NRG3: variants seen among roughly 807,000 people sequenced by gnomAD.
NRG3 encodes neuregulin 3, also known as pro-neuregulin-3, membrane-bound isoform.
Under a neutral mutation model 66.9 loss-of-function variants are expected in NRG3, and 31 were observed. The ratio of observed to expected loss-of-function variants is 0.46; its 90% CI spans 0.35 to 0.63. NRG3 has a LOEUF of 0.63. NRG3 is among the 20% of genes least tolerant of loss of function. The probability of loss-of-function intolerance (pLI) is 0.00; values close to 1 mark genes in which losing one functional copy is unlikely to be tolerated. For missense variants in NRG3, 910 were observed against 878.9 expected (o/e 1.04, Z -0.45); for synonymous variants, 393 against 359.4 (o/e 1.09, Z -1.06).
intron 3 of NRG3, among the ~76,000 whole-genome samples, chr10:82,743,063 C>T (rs148973849): frequency 2.0e-5 from 3 of 152,204 alleles, no homozygotes; most frequent in Non-Finnish European, 4.4e-5. Context: ...AGCAAGGGCA[C>T]GCCTCCTCAC....
At chr10:82,654,290 GCA>G (rs1158269404) in intron 2 of NRG3, among the ~76,000 whole-genome samples, 2 of 152,056 alleles carry the variant, frequency 1.3e-5, no homozygotes, top group African/African-American at 4.8e-5. Flanking sequence ...AAGATTCCAT[GCA>G]AATCATTTTA....
chr10:82,556,932 G>T (rs1004981026), intron 2 of NRG3, among the ~76,000 whole-genome samples: 11 of 152,202 alleles, frequency 7.2e-5, no homozygotes, highest in African/African-American at 2.6e-4. Context: ...AAGGATAATG[G>T]CCTCCAACTC....
In NRG3 at chr10:82,864,162, G is replaced by GA. The variant is rs549226653; in HGVS notation, c.1028-1243dup. Among the ~76,000 whole-genome samples, 74 of 151,772 alleles carry GA rather than the reference G, an allele frequency of 4.9e-4. No homozygotes were observed. The East Asian group carries it at 0.012, about 25-fold the overall frequency. On this transcript the variant is annotated intron_variant, in intron 3 of 8. Coordinates refer to ENST00000372141, the MANE Select transcript of NRG3 (RefSeq NM_001010848.4). ...CTGATTGGGGTGATGGAAGAATTTG[G>GA]AAAAAAGGGGTGGTGGTTGTACAAC...
At chr10:82,774,764 T>C (rs2059835287) in intron 3 of NRG3, among the ~76,000 whole-genome samples, 1 of 151,416 alleles carries the variant, frequency 6.6e-6, no homozygotes, top group Non-Finnish European at 1.5e-5. Context: ...CTGTTCTCTA[T>C]TTGATTTATG....
At chr10:81,881,843 T>C (rs928606006) in intron 1 of NRG3, among the ~76,000 whole-genome samples, 32 of 150,604 alleles carry the variant, frequency 2.1e-4, no homozygotes, top group African/African-American at 7.7e-4. Context: ...ACTATCAGCT[T>C]TTTTTTTCTT....
chr10:82,226,925 A>G (rs111743739), intron 1 of NRG3, among the ~76,000 whole-genome samples: 49 of 152,304 alleles, frequency 3.2e-4, no homozygotes, highest in African/African-American at 1.1e-3. Context: ...CATTTCCCAG[A>G]AACTCTCAAT....
intron 3 of NRG3, among the ~76,000 whole-genome samples, chr10:82,778,687 G>C (rs569207594): frequency 6.6e-6 from 1 of 152,134 alleles, no homozygotes; most frequent in African/African-American, 2.4e-5. Context: ...CTGCTTTCTG[G>C]CTCAAGTATG....
intron 2 of NRG3, among the ~76,000 whole-genome samples, chr10:82,456,314 T>C (rs529690704): frequency 1.3e-5 from 2 of 152,068 alleles, no homozygotes; most frequent in Admixed American, 6.5e-5. Context: ...TAATTTTTTT[T>C]TATTTTTTAA....
chr10:82,461,112 T>C (rs2091491034), intron 2 of NRG3, among the ~76,000 whole-genome samples: 1 of 151,288 alleles, frequency 6.6e-6, no homozygotes, highest in East Asian at 2.0e-4. Context: ...ATCAAAATCA[T>C]CACCATTACC....
At chr10:82,471,217 G>T (rs1841223128) in intron 2 of NRG3, among the ~76,000 whole-genome samples, 2 of 152,130 alleles carry the variant, frequency 1.3e-5, no homozygotes, top group Non-Finnish European at 2.9e-5. Context: ...CCTGCAAGTA[G>T]ACTTCCTACC....
chr10:82,485,784 A>C (rs1377278034), intron 2 of NRG3, among the ~76,000 whole-genome samples: 1 of 53,248 alleles, frequency 1.9e-5, no homozygotes, highest in African/African-American at 4.6e-5. Flanking sequence ...ACAAAAGTAC[A>C]GGCAGCAAAA....
At chr10:82,199,640 C>T (rs1166680705) in intron 1 of NRG3, among the ~76,000 whole-genome samples, 1 of 152,090 alleles carries the variant, frequency 6.6e-6, no homozygotes, top group Admixed American at 6.6e-5. Flanking sequence ...ACATTAACTT[C>T]TGTATGGTGA....
intron 1 of NRG3, among the ~76,000 whole-genome samples, chr10:82,040,792 AT>A (rs2062998504): frequency 6.6e-6 from 1 of 152,064 alleles, no homozygotes; most frequent in Non-Finnish European, 1.5e-5. Flanking sequence ...AAAATGACAG[AT>A]TTATAGTTCT....
At chr10:82,866,603 C>T (rs1314720100) in intron 4 of NRG3, among the ~76,000 whole-genome samples, 1 of 152,098 alleles carries the variant, frequency 6.6e-6, no homozygotes, top group Non-Finnish European at 1.5e-5. Context: ...GTGATGAAAA[C>T]TCAGAAAACC....
chr10:82,631,982 A>C (rs971158598), intron 2 of NRG3, among the ~76,000 whole-genome samples: 1 of 151,940 alleles, frequency 6.6e-6, no homozygotes, highest in African/African-American at 2.4e-5. Context: ...GGTGCCTGTA[A>C]TCTCAGCTAC....
At chr10:82,450,409 C>G (rs2136565833) in intron 2 of NRG3, among the ~76,000 whole-genome samples, 1 of 152,216 alleles carries the variant, frequency 6.6e-6, no homozygotes, top group South Asian at 2.1e-4. Context: ...AGTTAAAAAC[C>G]CTGAAGACTG....
At chr10:82,856,808 A>G (rs2063835965) in intron 3 of NRG3, among the ~76,000 whole-genome samples, 1 of 151,956 alleles carries the variant, frequency 6.6e-6, no homozygotes, top group African/African-American at 2.4e-5. Context: ...GTGCCCAGTG[A>G]CAAAATGCAA....
intron 2 of NRG3, among the ~76,000 whole-genome samples, chr10:82,490,351 A>G (rs889167494): frequency 6.6e-6 from 1 of 152,118 alleles, no homozygotes; most frequent in Non-Finnish European, 1.5e-5. Context: ...TCGATGACCA[A>G]TTCCCAGTCT....
At chr10:82,761,928 CTT>C (rs2059328189) in intron 3 of NRG3, among the ~76,000 whole-genome samples, 1 of 101,368 alleles carries the variant, frequency 9.9e-6, no homozygotes, top group Non-Finnish European at 2.1e-5. Flanking sequence ...CTTTCTCTTT[CTT>C]TCTTTCTTTC....
Sources: gnomAD v4.1 joint callset for allele counts (sites outside exome capture counted in the v4.1 genomes callset) on GRCh38, gnomAD v4.1.1 for gene constraint, MANE v1.5 for transcripts, NCBI Gene and HGNC (gene_info 2026-07-23, HGNC 2026-07-21) for gene names.